Variants in SDK2 observed in about 807,000 individuals in gnomAD.
SDK2 encodes the protein protein sidekick-2.
SDK2 carries 105 observed loss-of-function variants against 253.9 expected under a neutral mutation model. The observed-to-expected ratio is 0.41, with a 90% confidence interval of 0.35 to 0.49. SDK2 has a LOEUF of 0.49. Among genes scored for constraint, SDK2 ranks in the 20% least tolerant of loss-of-function variants. The pLI is 0.06. For missense variants in SDK2, 2,608 were observed against 3,003.0 expected (o/e 0.87, Z 3.07); for synonymous variants, 1,249 against 1,234.9 (o/e 1.01, Z -0.24).
rs185765595 is a variant in SDK2, at chr17:73,446,246, T to C, written c.613+1369A>G. Among the ~76,000 whole-genome samples the C allele has an allele frequency of 2.1e-3, 322 of 152,250 alleles. 3 individuals are homozygous for C. Among genetic ancestry groups the C allele is most frequent in the African/African-American group, 6.9e-3 (288 of 41,540 alleles). ...ATATATGGGGAGAAGCATCTCTCTTTGATGACTAAATTCCCTTCTCCTATA... is the reference window on the plus strand; with the variant it reads ...ATATATGGGGAGAAGCATCTCTCTTCGATGACTAAATTCCCTTCTCCTATA... On this transcript the variant is annotated intron_variant, in intron 5 of 44. Transcript: ENST00000392650.
intron 2 of SDK2, among the ~76,000 whole-genome samples, chr17:73,476,212 G>A (rs1350348869): frequency 6.6e-6 from 1 of 152,176 alleles, no homozygotes; most frequent in African/African-American, 2.4e-5. Flanking sequence ...ATGCCATTTG[G>A]GTAAATTGAA....
intron 2 of SDK2, 82 bp from the exon 3 acceptor site, chr17:73,472,300 G>A (rs1305717932): frequency 2.2e-6 from 2 of 906,938 alleles, no homozygotes; most frequent in African/African-American, 1.7e-5. Context: ...GAGGTCAGAG[G>A]TCGCCAGGTC....
chr17:73,470,676 T>C (rs1224502071), intron 3 of SDK2, among the ~76,000 whole-genome samples: 1 of 152,238 alleles, frequency 6.6e-6, no homozygotes, highest in East Asian at 1.9e-4. Context: ...TCCGTAATTA[T>C]CATAAACACT....
intron 1 of SDK2, among the ~76,000 whole-genome samples, chr17:73,513,364 G>A (rs2063996656): frequency 6.6e-6 from 1 of 152,316 alleles, no homozygotes; most frequent in South Asian, 2.1e-4. Context: ...AAGATGCTCA[G>A]CCTCATGATA....
At chr17:73,396,883 G>A (rs866411500) in intron 24 of SDK2, among the ~76,000 whole-genome samples, 4 of 152,202 alleles carry the variant, frequency 2.6e-5, no homozygotes, top group African/African-American at 9.7e-5. Flanking sequence ...GAGGTGGGCC[G>A]AGACAGCTCT....
At chr17:73,449,784 G>T (rs2063478828) in intron 4 of SDK2, among the ~76,000 whole-genome samples, 1 of 151,840 alleles carries the variant, frequency 6.6e-6, no homozygotes, top group South Asian at 2.1e-4. Flanking sequence ...GCCGGGTGTG[G>T]TGGTGGTGCA....
intron 1 of SDK2, among the ~76,000 whole-genome samples, chr17:73,559,667 A>G (rs1336227589): frequency 7.5e-6 from 1 of 132,514 alleles, no homozygotes; most frequent in Non-Finnish European, 1.6e-5. Flanking sequence ...CCGAAGGGCC[A>G]CCCCACAGGC....
At chr17:73,414,072 A>G (rs2063160632) in intron 18 of SDK2, among the ~76,000 whole-genome samples, 1 of 144,430 alleles carries the variant, frequency 6.9e-6, no homozygotes. Flanking sequence ...TTTGGGACAG[A>G]GTTTCATTCT....
chr17:73,441,764 T>C (rs1401555356), intron 5 of SDK2, among the ~76,000 whole-genome samples: 2 of 152,230 alleles, frequency 1.3e-5, no homozygotes, highest in Non-Finnish European at 2.9e-5. Flanking sequence ...TACTTTGTTG[T>C]GCAGGCCATA....
intron 1 of SDK2, among the ~76,000 whole-genome samples, chr17:73,513,378 A>G (rs7220636): frequency 0.7 from 107,171 of 152,098 alleles, 38,140 homozygotes; most frequent in Non-Finnish European, 0.74. Flanking sequence ...CATGATAAGA[A>G]AAAGGAAAAC....
intron 1 of SDK2, among the ~76,000 whole-genome samples, chr17:73,557,360 T>C (rs963087449): frequency 3.3e-5 from 5 of 151,930 alleles, no homozygotes; most frequent in Admixed American, 6.6e-5. Context: ...TGGAGTGCAG[T>C]GGCACGATCT....
In SDK2 at chr17:73,483,707, A is replaced by ATT. The variant is rs35288553; in HGVS notation, c.225-11491_225-11490dup. ...TTTATATATATATATATATATATAT[A>ATT]TTTTTTTTTTTTTTTAGTAGAGTTG... On this transcript the variant is annotated intron_variant, in intron 2 of 44. Transcript: ENST00000392650. Among the ~76,000 whole-genome samples the ATT allele has an allele frequency of 7.5e-4, 48 of 64,276 alleles. 1 individual carries two copies. The highest frequency in any genetic ancestry group is 2.9e-3 in the East Asian group (7 of 2,448). 42.2% of individuals were successfully genotyped at this position (64,276 alleles called of 152,430 possible).
Position 73,348,715 on chromosome 17 carries a change from TG to T in SDK2, c.6048del (p.Arg2017GlyfsTer28). The T allele has an allele frequency of 1.9e-6, 3 of 1,606,772 alleles. No homozygotes were observed. The highest frequency in any genetic ancestry group is 1.7e-5 in the Admixed American group (1 of 59,924). On this transcript the variant is annotated frameshift_variant, in exon 44 of 45. Transcript: ENST00000392650. LOFTEE classifies it high-confidence loss of function. ...TAGTGCAGGCTGCCTGGGCTGGGCC[TG>T]GGGGGAGACCTGGAGAGAGCGGGGG... ...RKNGLYTRSP[P>X]RPSPGSLHYS...
intron 1 of SDK2, among the ~76,000 whole-genome samples, chr17:73,636,137 G>T (rs981802212): frequency 6.6e-6 from 1 of 152,170 alleles, no homozygotes; most frequent in Non-Finnish European, 1.5e-5. Flanking sequence ...AGGCAGCCTG[G>T]AGCAGTGGAA....
At chr17:73,529,746 A>C (rs976197495) in intron 1 of SDK2, among the ~76,000 whole-genome samples, 12 of 152,158 alleles carry the variant, frequency 7.9e-5, no homozygotes, top group Non-Finnish European at 1.3e-4. Context: ...GTTGCCGGCA[A>C]ACACCAAAAG....
At chr17:73,412,207 T>C (rs1039878154) in intron 18 of SDK2, among the ~76,000 whole-genome samples, 14 of 149,270 alleles carry the variant, frequency 9.4e-5, no homozygotes, top group African/African-American at 3.2e-4. Context: ...TATACATATA[T>C]GTATATGCAT....
chr17:73,358,175 T>C lies in SDK2; in HGVS notation c.5497A>G (p.Ile1833Val), dbSNP rs2145414486. 6.2e-7 allele frequency: 1 copy of C among 1,608,690 alleles called. No homozygotes were observed. Among genetic ancestry groups the C allele is most frequent in the South Asian group, 1.1e-5 (1 of 90,268 alleles). Reference protein sequence around the residue: ...GAPGPPGVPIIVRYSSAIAIH... With the variant: ...GAPGPPGVPIVVRYSSAIAIH... Reference sequence around the variant, plus strand: ...GCGATGGCAGAGCTGTACCGCACGATGATGGGCACGCCAGGCGGTCCTGGG... The same window carrying C: ...GCGATGGCAGAGCTGTACCGCACGACGATGGGCACGCCAGGCGGTCCTGGG... Residue 1833 changes from isoleucine (I) to valine (V), a missense_variant, in exon 40 of 45, where the codon ATC (isoleucine) becomes GTC (valine). By Grantham distance (29) the Ile-to-Val change is conservative (BLOSUM62 3). Transcript: ENST00000392650.
chr17:73,412,054 GTATATGTAT>G (rs1472196650), intron 18 of SDK2, among the ~76,000 whole-genome samples: 4 of 4,728 alleles, frequency 8.5e-4, no homozygotes, highest in Non-Finnish European at 1.5e-3. Flanking sequence ...ATGTATATAC[GTATATGTAT>G]ATATACGTAT....
chr17:73,627,123 C>T (rs2046211954), intron 1 of SDK2, among the ~76,000 whole-genome samples: 1 of 152,194 alleles, frequency 6.6e-6, no homozygotes, highest in African/African-American at 2.4e-5. Context: ...CCTCCAAACT[C>T]ATGGGGGTTG....
Sources: gnomAD v4.1 joint callset for allele counts (sites outside exome capture counted in the v4.1 genomes callset) on GRCh38, gnomAD v4.1.1 for gene constraint, MANE v1.5 for transcripts, NCBI Gene and HGNC (gene_info 2026-07-23, HGNC 2026-07-21) for gene names.